Variants in FSTL5 observed in about 807,000 individuals in gnomAD.
The protein encoded by FSTL5 is follistatin like 5, also known as follistatin-related protein 5.
FSTL5 carries 62 observed loss-of-function variants against 89.1 expected under a neutral mutation model. The ratio of observed to expected loss-of-function variants is 0.70; its 90% CI spans 0.57 to 0.86. FSTL5 has a LOEUF of 0.86. FSTL5 is among the 40% of genes least tolerant of loss of function. The probability of loss-of-function intolerance (pLI) is 0.00; values close to 1 mark genes in which losing one functional copy is unlikely to be tolerated. For synonymous variants in FSTL5, 383 were observed against 346.2 expected (o/e 1.11, Z -1.18); for missense variants, 1,057 against 1,001.6 (o/e 1.06, Z -0.75).
At position 161,918,400 on chromosome 4, in the gene FSTL5, A is replaced by G. The variant is rs181887453; in HGVS notation, c.409+2004T>C. Among the ~76,000 whole-genome samples, 16 of 152,304 alleles carry G rather than the reference A, an allele frequency of 1.1e-4. No homozygotes were observed. The East Asian group carries it at 2.1e-3, about 20-fold the overall frequency. On this transcript the variant is annotated intron_variant, in intron 4 of 15. Coordinates refer to ENST00000306100, the MANE Select transcript of FSTL5 (RefSeq NM_020116.5). The stretch of plus-strand genomic sequence containing the variant: ...GTAAATAACCCAGACAGTATAAATG[A>G]AATTTTAACACTACACATGATGAGA...
rs767299443 is a variant in FSTL5 at position 161,535,253 on chromosome 4, C to A, written c.1312+2913G>T. Among the ~76,000 whole-genome samples the A allele has an allele frequency of 3.9e-5, 6 of 151,984 alleles. 1 individual carries two copies. The highest frequency in any genetic ancestry group is 3.9e-4 in the Admixed American group (6 of 15,224). ...AGAAGTGCCTAATTAAACTAAAGAG[C>A]TTCTGTACAGCAAAAGAAATTACTA... is the stretch of plus-strand genomic sequence containing the variant. On this transcript the variant is annotated intron_variant, in intron 10 of 15. Transcript: ENST00000306100.
chr4:161,641,938 C>T (rs1044333100), intron 7 of FSTL5, among the ~76,000 whole-genome samples: 3 of 151,914 alleles, frequency 2.0e-5, no homozygotes, highest in African/African-American at 7.3e-5. Flanking sequence ...CATAGTTACG[C>T]AAGAAATGAC....
chr4:161,925,330 A>G (rs890426984), intron 3 of FSTL5, among the ~76,000 whole-genome samples: 5 of 151,936 alleles, frequency 3.3e-5, no homozygotes, highest in Non-Finnish European at 7.4e-5. Flanking sequence ...GACTTTCTAA[A>G]TTACTCTTCT....
At chr4:161,922,745 G>C (rs1435343015) in intron 3 of FSTL5, among the ~76,000 whole-genome samples, 1 of 151,876 alleles carries the variant, frequency 6.6e-6, no homozygotes, top group East Asian at 1.9e-4. Context: ...AAAAAGATGA[G>C]AAGTTAATGC....
chr4:161,473,440 T>TG (rs1483978412), intron 13 of FSTL5, among the ~76,000 whole-genome samples: 1 of 150,834 alleles, frequency 6.6e-6, no homozygotes, highest in Non-Finnish European at 1.5e-5. Context: ...TTTTTTTTTT[T>TG]TCTGGGACAG....
intron 7 of FSTL5, among the ~76,000 whole-genome samples, chr4:161,630,970 A>G (rs1578980762): frequency 6.6e-6 from 1 of 152,302 alleles, no homozygotes; most frequent in East Asian, 1.9e-4. Flanking sequence ...CGTTTTTCCA[A>G]TATTCTCATA....
At position 162,146,752 on chromosome 4, in the gene FSTL5, T is replaced by TTCTCTCTCTCTCTC. The variant is rs373161292; in HGVS notation, c.-17+16849_-17+16862dup. Among the ~76,000 whole-genome samples the TTCTCTCTCTCTCTC allele has an allele frequency of 2.5e-3, 291 of 117,930 alleles. 1 individual carries two copies. The highest frequency in any genetic ancestry group is 4.0e-3 in the Non-Finnish European group (201 of 50,022). The allele number at this position is 117,930 out of a possible 152,430, so 77.4% of individuals were successfully genotyped here. On this transcript the variant is annotated intron_variant, in intron 1 of 15. Coordinates refer to ENST00000306100, the MANE Select transcript of FSTL5 (RefSeq NM_020116.5). ...CTTCCCTCCTTTCTTTCTTTCTCCT[T>TTCTCTCTCTCTCTC]TCTCTCTCTCTCTCTCTCTCTTTCT...
At chr4:161,933,105 A>G (rs1734336348) in intron 3 of FSTL5, among the ~76,000 whole-genome samples, 1 of 152,066 alleles carries the variant, frequency 6.6e-6, no homozygotes, top group South Asian at 2.1e-4. Context: ...TCCATTTTAC[A>G]TTGTTGGCCG....
chr4:161,434,502 C>T (rs1048385379), intron 15 of FSTL5, among the ~76,000 whole-genome samples: 2 of 151,688 alleles, frequency 1.3e-5, no homozygotes, highest in Admixed American at 6.6e-5. Context: ...TTGGACTAGG[C>T]AAGTTGGACT....
intron 6 of FSTL5, among the ~76,000 whole-genome samples, chr4:161,692,341 CGTGT>C (rs70937677): frequency 6.1e-5 from 9 of 148,752 alleles, no homozygotes; most frequent in South Asian, 2.1e-4. Context: ...ATATGGAGAT[CGTGT>C]GTGTGTGTGT....
chr4:161,418,848 G>A (rs1457808489), intron 15 of FSTL5, among the ~76,000 whole-genome samples: 1 of 152,200 alleles, frequency 6.6e-6, no homozygotes, highest in East Asian at 1.9e-4. Flanking sequence ...AGGCAACATA[G>A]TCTGTAATAT....
intron 4 of FSTL5, among the ~76,000 whole-genome samples, chr4:161,913,560 G>A (rs74969436): frequency 0.045 from 6,794 of 152,166 alleles, 185 homozygotes; most frequent in Non-Finnish European, 0.067. Flanking sequence ...TGGAAATGCT[G>A]TCAGTTGACA....
intron 4 of FSTL5, among the ~76,000 whole-genome samples, chr4:161,871,941 A>C (rs1438445575): frequency 6.6e-6 from 1 of 152,058 alleles, no homozygotes; most frequent in Non-Finnish European, 1.5e-5. Flanking sequence ...TCATAAATGC[A>C]TAGTCATGAA....
chr4:161,791,773 T>C (rs983019328), intron 4 of FSTL5, among the ~76,000 whole-genome samples: 2 of 152,246 alleles, frequency 1.3e-5, no homozygotes, highest in Non-Finnish European at 2.9e-5. Context: ...CAGGTAGCTA[T>C]AGATACATTC....
chr4:161,663,444 A>C (rs4345123), intron 6 of FSTL5, among the ~76,000 whole-genome samples: 119,208 of 152,026 alleles, frequency 0.78, 46,934 homozygotes, highest in East Asian at 0.93. Flanking sequence ...ATGGCCCATA[A>C]AAGTCCAAAA....
At chr4:161,452,613 C>T (rs1560902032) in intron 15 of FSTL5, among the ~76,000 whole-genome samples, 1 of 151,588 alleles carries the variant, frequency 6.6e-6, no homozygotes, top group African/African-American at 2.4e-5. Context: ...TTTGGAAACG[C>T]ATGTTAATTT....
At chr4:161,771,163 T>C (rs924105564) in intron 5 of FSTL5, among the ~76,000 whole-genome samples, 2 of 152,108 alleles carry the variant, frequency 1.3e-5, no homozygotes, top group African/African-American at 4.8e-5. Context: ...TTTGTTCTTA[T>C]GCACTATCCA....
chr4:161,749,886 T>C (rs1313062958), intron 6 of FSTL5, among the ~76,000 whole-genome samples: 1 of 151,456 alleles, frequency 6.6e-6, no homozygotes. Flanking sequence ...GGAGTGAGAG[T>C]TGAAAAATTA....
At chr4:161,574,567 G>A (rs1005529562) in intron 8 of FSTL5, among the ~76,000 whole-genome samples, 11 of 152,004 alleles carry the variant, frequency 7.2e-5, no homozygotes, top group Non-Finnish European at 1.5e-4. Context: ...CTGTGTCCAT[G>A]TGTTTTCATT....
Sources: allele counts gnomAD v4.1 joint callset (sites outside exome capture counted in the v4.1 genomes callset), GRCh38; gene constraint gnomAD v4.1.1; transcripts MANE v1.5; gene names NCBI Gene and HGNC (gene_info 2026-07-23, HGNC 2026-07-21).